R3HDM1: variants seen among roughly 807,000 people sequenced by gnomAD.
R3HDM1 encodes R3H domain containing 1, also known as R3H domain-containing protein 1.
A neutral mutation model predicts 141.1 loss-of-function variants in R3HDM1; 46 were observed. The observed-to-expected ratio is 0.33, with a 90% CI of 0.26 to 0.42. R3HDM1 has a LOEUF of 0.42. Ranked by LOEUF, R3HDM1 falls within the 10% of genes least tolerant of loss-of-function variation. The probability of loss-of-function intolerance (pLI) is 1.00; values close to 1 mark genes in which losing one functional copy is unlikely to be tolerated. For missense variants in R3HDM1, 1,184 were observed against 1,368.3 expected (o/e 0.87, Z 2.12); for synonymous variants, 435 against 472.9 (o/e 0.92, Z 1.04).
chr2:135,576,135 C>T (rs1705366871), intron 1 of R3HDM1, among the ~76,000 whole-genome samples: 3 of 152,208 alleles, frequency 2.0e-5, no homozygotes, highest in South Asian at 4.1e-4. Flanking sequence ...CAGTGGCTCA[C>T]ATCTGTAATC....
chr2:135,698,717 A>G (rs542557002), intron 21 of R3HDM1, among the ~76,000 whole-genome samples: 15 of 152,258 alleles, frequency 9.9e-5, no homozygotes, highest in African/African-American at 2.9e-4. Flanking sequence ...GGAAACTTCA[A>G]TTATGGCAGA....
At chr2:135,620,530 T>G in intron 5 of R3HDM1, 1 of 984,640 alleles carries the variant, frequency 1.0e-6, no homozygotes, top group Non-Finnish European at 1.2e-6. Flanking sequence ...TTAACTGGTA[T>G]GATGAATTAA....
intron 1 of R3HDM1, among the ~76,000 whole-genome samples, chr2:135,564,600 G>A (rs968323605): frequency 2.0e-5 from 3 of 152,180 alleles, no homozygotes; most frequent in Non-Finnish European, 2.9e-5. Flanking sequence ...GATTACAGGC[G>A]TGAGCCACCA....
intron 18 of R3HDM1, among the ~76,000 whole-genome samples, chr2:135,659,627 A>C (rs1221141865): frequency 6.6e-6 from 1 of 152,036 alleles, no homozygotes. Context: ...CAGTAGTGAT[A>C]GGGTCTCACT....
chr2:135,600,221 C>T (rs898306178), intron 1 of R3HDM1, among the ~76,000 whole-genome samples: 1 of 146,890 alleles, frequency 6.8e-6, no homozygotes, highest in Admixed American at 7.0e-5. Context: ...CCTGAGATTA[C>T]AGGCCTGAGC....
At chr2:135,583,876 G>A in intron 1 of R3HDM1, 1 of 985,366 alleles carries the variant, frequency 1.0e-6, no homozygotes, top group Non-Finnish European at 1.2e-6. Flanking sequence ...TCCCATAGTT[G>A]CCCCAGTTCC....
At chr2:135,562,159 T>C (rs534626327) in intron 1 of R3HDM1, among the ~76,000 whole-genome samples, 10 of 152,340 alleles carry the variant, frequency 6.6e-5, no homozygotes, top group Admixed American at 3.3e-4. Flanking sequence ...ATCTGTCTTT[T>C]ATAAATTTTC....
chr2:135,618,448 C>T (rs1254982295), intron 5 of R3HDM1, among the ~76,000 whole-genome samples: 1 of 149,010 alleles, frequency 6.7e-6, no homozygotes, highest in Non-Finnish European at 1.5e-5. Context: ...AAGTGTGAGC[C>T]ACCGCGCCCG....
chr2:135,546,055 C>T (rs909812528), intron 1 of R3HDM1, among the ~76,000 whole-genome samples: 3 of 152,116 alleles, frequency 2.0e-5, no homozygotes, highest in African/African-American at 7.2e-5. Flanking sequence ...TCATGCCTTT[C>T]GAGCAAGTGC....
intron 3 of R3HDM1, chr2:135,607,867 A>G: frequency 1.0e-6 from 1 of 983,558 alleles, no homozygotes; most frequent in Non-Finnish European, 1.2e-6. Context: ...AGGGAATACC[A>G]TAGTAAACAA....
intron 21 of R3HDM1, among the ~76,000 whole-genome samples, chr2:135,696,651 C>T (rs566327481): frequency 1.3e-5 from 2 of 152,136 alleles, no homozygotes; most frequent in East Asian, 3.9e-4. Flanking sequence ...GCCACCACAC[C>T]TGGCTAATTT....
chr2:135,545,314 A>C (rs935564556), intron 1 of R3HDM1, among the ~76,000 whole-genome samples: 1 of 152,204 alleles, frequency 6.6e-6, no homozygotes, highest in African/African-American at 2.4e-5. Context: ...TGAGACAAAG[A>C]ATGAAATATT....
At chr2:135,617,305 C>T (rs931501136) in intron 5 of R3HDM1, among the ~76,000 whole-genome samples, 9 of 150,532 alleles carry the variant, frequency 6.0e-5, no homozygotes, top group Non-Finnish European at 1.3e-4. Flanking sequence ...CCAACCTGGG[C>T]GACAGAGCGA....
At chr2:135,598,128 AC>A (rs1373839264) in intron 1 of R3HDM1, among the ~76,000 whole-genome samples, 5 of 152,172 alleles carry the variant, frequency 3.3e-5, no homozygotes, top group Non-Finnish European at 7.4e-5. Flanking sequence ...AGAGGAAGGT[AC>A]TTAACCATGC....
At chr2:135,577,794 C>T (rs999850228) in intron 1 of R3HDM1, among the ~76,000 whole-genome samples, 2 of 147,690 alleles carry the variant, frequency 1.4e-5, no homozygotes, top group Admixed American at 6.8e-5. Flanking sequence ...GCCAAGATCG[C>T]GCCATTGCAC....
intron 1 of R3HDM1, among the ~76,000 whole-genome samples, chr2:135,569,147 G>A (rs1703477449): frequency 6.6e-6 from 1 of 152,158 alleles, no homozygotes; most frequent in Admixed American, 6.5e-5. Flanking sequence ...AGATGGTGAT[G>A]TTTGTCAGTT....
intron 1 of R3HDM1, among the ~76,000 whole-genome samples, chr2:135,533,171 T>C (rs1443932264): frequency 1.3e-5 from 2 of 152,152 alleles, no homozygotes; most frequent in Non-Finnish European, 2.9e-5. Flanking sequence ...TTGCCAGTCA[T>C]GTAGTAGTCA....
In R3HDM1 at chr2:135,655,312, C is replaced by T. The variant is rs553075649; in HGVS notation, c.2028+3280C>T. On this transcript the variant is annotated intron_variant, in intron 18 of 26. Transcript: ENST00000683871. ...CATTAAATAACCTTGGAATCCTTGT[C>T]GAATATCCTTTGACCATAAATGTAA... Among the ~76,000 whole-genome samples the T allele has an allele frequency of 7.9e-5, 12 of 152,144 alleles. No individual in the cohort carries two copies. In the South Asian group the frequency reaches 2.5e-3, roughly 32 times the overall value.
At chr2:135,706,280 T>C (rs62168837) in intron 21 of R3HDM1, among the ~76,000 whole-genome samples, 2,101 of 152,202 alleles carry the variant, frequency 0.014, 28 homozygotes, top group Admixed American at 0.029. Flanking sequence ...GAAAAAAATA[T>C]TGGTAATAAT....
Sources: allele counts gnomAD v4.1 joint callset (sites outside exome capture counted in the v4.1 genomes callset), GRCh38; gene constraint gnomAD v4.1.1; transcripts MANE v1.5; gene names NCBI Gene and HGNC (gene_info 2026-07-23, HGNC 2026-07-21).